LINGO2: variants seen among roughly 807,000 people sequenced by gnomAD.
LINGO2 encodes leucine rich repeat and Ig domain containing 2.
LINGO2 carries 14 observed loss-of-function variants against 30.6 expected under a neutral mutation model. That is an observed-to-expected ratio of 0.46 (90% confidence interval 0.30 to 0.72). The LOEUF (loss-of-function observed/expected upper bound fraction) is 0.72, where lower values mean the gene tolerates loss of function less well. Ranked by LOEUF, LINGO2 falls within the 30% of genes least tolerant of loss-of-function variation. The probability of loss-of-function intolerance (pLI) is 0.07; values close to 1 mark genes in which losing one functional copy is unlikely to be tolerated. For missense variants in LINGO2, 729 were observed against 751.7 expected (o/e 0.97, Z 0.35); for synonymous variants, 317 against 288.5 (o/e 1.10, Z -1.00).
At chr9:28,888,284 T>A in the LINGO2 span, among the ~76,000 whole-genome samples, 3 of 152,222 alleles carry the variant, frequency 2.0e-5, no homozygotes, top group Non-Finnish European at 4.4e-5. Flanking sequence ...TGTGGTTTCA[T>A]GAAAGGCTGC....
intron 1 of LINGO2, among the ~76,000 whole-genome samples, chr9:28,562,422 T>C (rs760383558): frequency 8.0e-6 from 1 of 124,466 alleles, no homozygotes; most frequent in Non-Finnish European, 1.6e-5. Flanking sequence ...AATTCAATAT[T>C]CTTCAACAGG....
chr9:29,014,937 C>G, the LINGO2 span, among the ~76,000 whole-genome samples: 1 of 151,986 alleles, frequency 6.6e-6, no homozygotes, highest in South Asian at 2.1e-4. Context: ...TAAAGGAGAC[C>G]CTTTCTAAGA....
intron 2 of LINGO2, among the ~76,000 whole-genome samples, chr9:28,397,740 G>A (rs1822110387): frequency 6.6e-6 from 1 of 151,866 alleles, no homozygotes; most frequent in Admixed American, 6.6e-5. Context: ...GTAGAGACGG[G>A]GTTTCACTGT....
At chr9:28,577,367 A>C (rs998019640) in intron 1 of LINGO2, among the ~76,000 whole-genome samples, 1 of 152,096 alleles carries the variant, frequency 6.6e-6, no homozygotes, top group African/African-American at 2.4e-5. Flanking sequence ...CCCAAGACTC[A>C]AGACCCGACC....
the LINGO2 span, among the ~76,000 whole-genome samples, chr9:28,850,674 G>A: frequency 6.6e-6 from 1 of 152,004 alleles, no homozygotes; most frequent in Admixed American, 6.6e-5. Context: ...GGTCAATATG[G>A]AACAAACTCT....
chr9:28,056,800 T>C (rs995181240), intron 4 of LINGO2, among the ~76,000 whole-genome samples: 2 of 152,166 alleles, frequency 1.3e-5, no homozygotes, highest in Admixed American at 1.3e-4. Flanking sequence ...TTGTTAGGCA[T>C]TTCTTTTATA....
In LINGO2 at chr9:28,148,894, T is replaced by A; in HGVS notation, c.-86-136489A>T. 6.5e-7 allele frequency: 1 copy of A among 1,533,716 alleles called. No individual in the cohort carries two copies. On this transcript the variant is annotated intron_variant, in intron 4 of 5. Coordinates refer to ENST00000379992, the Ensembl canonical transcript of LINGO2. The surrounding 1 kb of genome is among the most constrained non-coding windows in gnomAD (Gnocchi z 5.1). The stretch of plus-strand genomic sequence containing the variant: ...TGGGGGAGGACATGCAGCCCAAGGA[T>A]CCTGCAGCTCTTGGGTCAAGTAGGT...
At chr9:28,468,936 C>A (rs1041953051) in intron 2 of LINGO2, among the ~76,000 whole-genome samples, 1 of 151,918 alleles carries the variant, frequency 6.6e-6, no homozygotes, top group Non-Finnish European at 1.5e-5. Context: ...TCAAAAGGAA[C>A]AAAGTTAACT....
chr9:28,188,035 G>GA (rs1819604749), intron 4 of LINGO2, among the ~76,000 whole-genome samples: 1 of 152,094 alleles, frequency 6.6e-6, no homozygotes. Flanking sequence ...TTGCTCTTTA[G>GA]AATAGGCTCG....
the LINGO2 span, among the ~76,000 whole-genome samples, chr9:29,010,180 C>T: frequency 7.2e-5 from 11 of 152,112 alleles, no homozygotes; most frequent in South Asian, 2.1e-4. Flanking sequence ...AATAGACAAA[C>T]GGGATCTAAT....
chr9:28,410,746 C>G (rs568062966), intron 2 of LINGO2, among the ~76,000 whole-genome samples: 18 of 152,212 alleles, frequency 1.2e-4, no homozygotes, highest in African/African-American at 4.3e-4. Context: ...GTTTTACTTG[C>G]TTTCTATTGC....
rs201950549 is a variant in LINGO2, at chr9:27,949,434, C to T, written c.1238G>A (p.Arg413His). 5.3e-5 allele frequency: 86 copies of T among 1,613,964 alleles called. No homozygotes were observed. Among genetic ancestry groups the T allele is most frequent in the Non-Finnish European group, 6.8e-5 (80 of 1,180,012 alleles). Reference sequence around the variant, plus strand: ...TAGCAGATGCTGCAACTTCTTTTCACGGATTTTGGGTTTTTTGCAGGTAAA... The same window carrying T: ...TAGCAGATGCTGCAACTTCTTTTCATGGATTTTGGGTTTTTTGCAGGTAAA... The change falls in exon 6 of 6, where the codon CGT (arginine) becomes CAT (histidine). Residue 413 changes from arginine to histidine, a missense_variant. Coordinates refer to ENST00000379992, the Ensembl canonical transcript of LINGO2.
the LINGO2 span, among the ~76,000 whole-genome samples, chr9:28,998,769 C>T: frequency 3.3e-5 from 5 of 152,172 alleles, no homozygotes; most frequent in African/African-American, 1.2e-4. Context: ...TAGTTATAAA[C>T]AGATGCATCA....
the LINGO2 span, among the ~76,000 whole-genome samples, chr9:28,797,359 T>TATATATAGAGAGAGAGAGAGAG: frequency 2.3e-4 from 8 of 34,212 alleles, no homozygotes; most frequent in African/African-American, 4.8e-4. Context: ...TATATATATA[T>TATATATAGAGAGAGAGAGAGAG]AGAGAGAGAG....
At chr9:28,516,889 C>T (rs914471272) in intron 1 of LINGO2, among the ~76,000 whole-genome samples, 1 of 152,086 alleles carries the variant, frequency 6.6e-6, no homozygotes, top group African/African-American at 2.4e-5. Flanking sequence ...AAGGTCTGAC[C>T]CTACATTATT....
the LINGO2 span, chr9:27,941,964 C>G: frequency 1.4e-4 from 21 of 152,040 alleles, no homozygotes; most frequent in African/African-American, 5.1e-4. Context: ...CTTGCTGAAC[C>G]CTTCAGTTCT....
intron 1 of LINGO2, among the ~76,000 whole-genome samples, chr9:28,548,471 C>G (rs1032346054): frequency 6.6e-6 from 1 of 151,706 alleles, no homozygotes; most frequent in African/African-American, 2.4e-5. Flanking sequence ...TTTGGGAGGC[C>G]GAGACGGGTG....
intron 1 of LINGO2, among the ~76,000 whole-genome samples, chr9:28,650,766 C>G (rs550340448): frequency 2.6e-5 from 4 of 152,290 alleles, no homozygotes; most frequent in Admixed American, 2.0e-4. Context: ...ATAAATAGGA[C>G]TTATATTTTC....
intron 2 of LINGO2, among the ~76,000 whole-genome samples, chr9:28,468,212 C>G (rs1433324084): frequency 2.6e-5 from 4 of 152,134 alleles, no homozygotes; most frequent in Admixed American, 2.6e-4. Flanking sequence ...TTTTACTTGC[C>G]TTTGCCCCAT....
Sources: allele counts gnomAD v4.1 joint callset (sites outside exome capture counted in the v4.1 genomes callset), GRCh38; gene constraint gnomAD v4.1.1; non-coding constraint Gnocchi (gnomAD v3.1); transcripts MANE v1.5; gene names NCBI Gene and HGNC (gene_info 2026-07-23, HGNC 2026-07-21).